The following CFAP20 variants were observed in gnomAD, a reference collection of about 807,000 sequenced individuals.
The protein encoded by CFAP20 is cilia- and flagella-associated protein 20.
CFAP20 carries 14 observed loss-of-function variants against 25.5 expected under a neutral mutation model. That is an observed-to-expected ratio of 0.55 (90% CI 0.36 to 0.86). CFAP20 has a LOEUF of 0.86. Ranked by LOEUF, CFAP20 falls within the 40% of genes least tolerant of loss-of-function variation. The probability of loss-of-function intolerance (pLI) is 0.01; values close to 1 mark genes in which losing one functional copy is unlikely to be tolerated. For missense variants in CFAP20, 181 were observed against 248.0 expected, an observed-to-expected ratio of 0.73 and a Z score of 1.81; for synonymous variants, 75 against 91.1, an observed-to-expected ratio of 0.82 and a Z score of 1.01.
intron 1 of CFAP20, chr16:58,119,405 T>C (rs971200109): frequency 6.6e-6 from 1 of 152,266 alleles, no homozygotes; most frequent in African/African-American, 2.4e-5. Flanking sequence ...CTGGCACATA[T>C]GAATAGGTTC....
chr16:58,119,134 CATT>C (rs1332480070), intron 1 of CFAP20: 1 of 152,300 alleles, frequency 6.6e-6, no homozygotes, highest in East Asian at 1.9e-4. Flanking sequence ...TGTTTTTAGA[CATT>C]AGTCTCTGTG....
intron 1 of CFAP20, among the ~76,000 whole-genome samples, chr16:58,119,844 ATCTCAT>A (rs1597087556): frequency 7.0e-6 from 1 of 142,180 alleles, no homozygotes; most frequent in East Asian, 2.1e-4. Flanking sequence ...CTCACTCGCC[ATCTCAT>A]GTTCCCAACC....
chr16:58,118,232 C>T (rs1288412869), intron 1 of CFAP20, among the ~76,000 whole-genome samples: 1 of 152,216 alleles, frequency 6.6e-6, no homozygotes, highest in Non-Finnish European at 1.5e-5. Flanking sequence ...GTAATCCCAG[C>T]ACTTTGGGAG....
rs140567256 is a variant in CFAP20, at chr16:58,116,143, A to G, written c.174T>C (p.Tyr58=). 7.5e-6 allele frequency: 12 copies of G among 1,608,466 alleles called. No homozygotes were observed. In the African/African-American group the frequency reaches 1.5e-4, roughly 20 times the overall value. Residue 58 remains tyrosine, a synonymous_variant, in exon 3 of 6, where the codon TAT becomes TAC. Coordinates refer to ENST00000262498, the MANE Select transcript of CFAP20 (RefSeq NM_013242.3). ...EIEGTNVSTT[Y]ITCPADPKKT... is the part of the protein sequence containing the mutation. ...TCTTGGGGTCTGCAGGGCATGTGAT[A>G]TATGTGGTGCTGTAGAGAGAGGAAA...
intron 2 of CFAP20, among the ~76,000 whole-genome samples, chr16:58,116,365 C>G (rs1960458003): frequency 6.6e-6 from 1 of 152,162 alleles, no homozygotes; most frequent in Non-Finnish European, 1.5e-5. Context: ...TAGACAGCAG[C>G]AATAAAATAT....
At position 58,116,045 on chromosome 16, in the gene CFAP20, A is replaced by C; in HGVS notation, c.272T>G (p.Val91Gly). The C allele has an allele frequency of 6.3e-7, 1 of 1,597,040 alleles. No individual in the cohort carries two copies. The highest frequency in any genetic ancestry group is 8.6e-7 in the Non-Finnish European group (1 of 1,164,546). ...CATTCATGTACACATACTTACCTGC[A>C]CTTCGAAGGTAAAATACTTCTTCAG... ...KNLKKYFTFEVQVLDDKNVRR... is the reference protein window; with the variant it reads ...KNLKKYFTFEGQVLDDKNVRR... The change falls in exon 3 of 6, where the codon GTG (valine) becomes GGG (glycine). Residue 91 changes from valine to glycine, a missense_variant. Val to Gly is a moderately radical substitution (Grantham distance 109). Transcript: ENST00000262498.
chr16:58,114,002 T>C lies in CFAP20; in HGVS notation c.*23A>G, dbSNP rs200765210. 75 of 1,611,788 alleles carry C rather than the reference T, an allele frequency of 4.7e-5. No homozygotes were observed. The African/African-American group carries it at 8.8e-4, about 19-fold the overall frequency. The stretch of plus-strand genomic sequence containing the variant: ...AAAAGAAGAGTCACATCCAGGGGTC[T>C]ATCCCTCGAGTCACAATTCCAGTTA... On this transcript the variant is annotated 3_prime_UTR_variant, in exon 6 of 6. Coordinates refer to ENST00000262498, the MANE Select transcript of CFAP20 (RefSeq NM_013242.3).
intron 1 of CFAP20, among the ~76,000 whole-genome samples, chr16:58,128,826 T>G (rs1293406867): frequency 2.6e-5 from 2 of 76,664 alleles, no homozygotes; most frequent in African/African-American, 5.2e-5. Context: ...CCCACCCACA[T>G]GCACCGCCCC....
In CFAP20 at chr16:58,126,516, A is replaced by G. The variant is rs186382445; in HGVS notation, c.84+2516T>C. Among the ~76,000 whole-genome samples, 246 of 152,326 alleles carry G rather than the reference A, an allele frequency of 1.6e-3. 1 individual carries two copies. The highest frequency in any genetic ancestry group is 5.7e-3 in the African/African-American group (239 of 41,572). ...TAGAAACCGAACAGAAATTCTCTCT[A>G]TATATACTCATGAAAGAAAACAACA... On this transcript the variant is annotated intron_variant, in intron 1 of 5. Transcript: ENST00000262498.
At chr16:58,123,123 T>C (rs1190527677) in intron 1 of CFAP20, among the ~76,000 whole-genome samples, 1 of 151,846 alleles carries the variant, frequency 6.6e-6, no homozygotes, top group East Asian at 2.0e-4. Flanking sequence ...GCCTCCCGAG[T>C]AGCTGGGATT....
chr16:58,114,935 C>T lies in CFAP20; in HGVS notation c.466-15G>A, dbSNP rs758684172. 2.1e-5 allele frequency: 34 copies of T among 1,597,654 alleles called. No individual in the cohort carries two copies. The highest frequency in any genetic ancestry group is 2.7e-5 in the Non-Finnish European group (31 of 1,165,324). On this transcript the variant is annotated splice_polypyrimidine_tract_variant and intron_variant, in intron 4 of 5. Transcript: ENST00000262498. ...TTTGCATGGATCTGTCAAGGCAATG[C>T]TTCTTTTGAGAGGCGAAATGTGACT... is the stretch of plus-strand genomic sequence containing the variant.
intron 1 of CFAP20, among the ~76,000 whole-genome samples, chr16:58,120,446 C>A (rs1444272393): frequency 1.3e-5 from 2 of 152,206 alleles, no homozygotes; most frequent in African/African-American, 4.8e-5. Flanking sequence ...AAAGACCAGC[C>A]AGATCTCACA....
In CFAP20 at chr16:58,129,216, T is replaced by A. The variant is rs1181873452; in HGVS notation, c.-101A>T. On this transcript the variant is annotated 5_prime_UTR_variant, in exon 1 of 6. Coordinates refer to ENST00000262498, the MANE Select transcript of CFAP20 (RefSeq NM_013242.3). The stretch of plus-strand genomic sequence containing the variant: ...AGGGCACAGCAGCAGGCCGGCCCTG[T>A]TCCGAAGAAGGGTGGTTGAGCTCCT... 1 of 1,298,028 alleles carries A rather than the reference T, an allele frequency of 7.7e-7. No individual in the cohort carries two copies. Among genetic ancestry groups the A allele is most frequent in the Non-Finnish European group, 1.1e-6 (1 of 930,620 alleles). The allele number at this position is 1,298,028 out of a possible 1,614,324, so 80.4% of individuals were successfully genotyped here.
intron 1 of CFAP20, among the ~76,000 whole-genome samples, chr16:58,118,944 T>C (rs545469157): frequency 5.9e-5 from 9 of 152,270 alleles, no homozygotes; most frequent in African/African-American, 2.2e-4. Flanking sequence ...CGGTCTTTCT[T>C]TGTGGAAAGG....
intron 1 of CFAP20, chr16:58,117,219 A>C (rs920940556): frequency 1.3e-5 from 6 of 479,902 alleles, no homozygotes; most frequent in African/African-American, 1.2e-4. Flanking sequence ...TATCTACTGA[A>C]TGCCTACTAT....
chr16:58,127,196 T>C (rs1470645063), intron 1 of CFAP20, among the ~76,000 whole-genome samples: 2 of 152,168 alleles, frequency 1.3e-5, no homozygotes, highest in Non-Finnish European at 2.9e-5. Context: ...TGGGTAAACA[T>C]GTTGACTATT....
intron 1 of CFAP20, among the ~76,000 whole-genome samples, chr16:58,117,531 C>T (rs772234136): frequency 5.3e-5 from 8 of 152,132 alleles, no homozygotes; most frequent in East Asian, 1.9e-4. Context: ...CAGGTTCAAG[C>T]GATTCTCTTG....
chr16:58,115,256 A>C lies in CFAP20; in HGVS notation c.465+13T>G. The C allele has an allele frequency of 6.2e-7, 1 of 1,614,104 alleles. No individual in the cohort carries two copies. The highest frequency in any genetic ancestry group is 8.5e-7 in the Non-Finnish European group (1 of 1,179,992). ...TCCCCAACCCAGGGCTCTATCTGGG[A>C]AAGGAGCAGTACCTGCACTCTGAGG... On this transcript the variant is annotated intron_variant, in intron 4 of 5. Coordinates refer to ENST00000262498, the MANE Select transcript of CFAP20 (RefSeq NM_013242.3).
At chr16:58,128,976 G>A (rs1960666509) in intron 1 of CFAP20, 56 bp downstream of exon 1, 3 of 1,382,568 alleles carry the variant, frequency 2.2e-6, no homozygotes, top group African/African-American at 1.4e-5. Context: ...CCCAGCCCCC[G>A]GACGAGGAGG....
Sources: gnomAD v4.1 joint callset for allele counts (sites outside exome capture counted in the v4.1 genomes callset) on GRCh38, gnomAD v4.1.1 for gene constraint, MANE v1.5 for transcripts, NCBI Gene and HGNC (gene_info 2026-07-23, HGNC 2026-07-21) for gene names.